The following CTNNA3 variants were observed in gnomAD, a reference collection of about 807,000 sequenced individuals.
The protein encoded by CTNNA3 is catenin alpha 3.
In CTNNA3, 76 loss-of-function variants were observed where a neutral mutation model predicts 95.7. The ratio of observed to expected loss-of-function variants is 0.79; its 90% CI spans 0.66 to 0.96. The LOEUF (loss-of-function observed/expected upper bound fraction) is 0.96, where lower values mean the gene tolerates loss of function less well. CTNNA3 is among the 40% of genes least tolerant of loss of function. The pLI is 0.00. For synonymous variants in CTNNA3, 431 were observed against 374.4 expected (o/e 1.15, Z -1.74); for missense variants, 1,191 against 1,089.8 (o/e 1.09, Z -1.31).
chr10:66,077,691 G>C (rs1343458411), intron 14 of CTNNA3, among the ~76,000 whole-genome samples: 1 of 143,094 alleles, frequency 7.0e-6, no homozygotes, highest in Non-Finnish European at 1.5e-5. Context: ...CAAAGGTGGT[G>C]ATCTGTATGG....
chr10:67,273,685 A>T (rs945983007), intron 5 of CTNNA3, among the ~76,000 whole-genome samples: 4 of 152,222 alleles, frequency 2.6e-5, no homozygotes, highest in African/African-American at 4.8e-5. Context: ...GTGTCAAAAA[A>T]TAGAGAAATG....
chr10:66,871,144 T>C (rs547915025), intron 7 of CTNNA3, among the ~76,000 whole-genome samples: 43 of 152,212 alleles, frequency 2.8e-4, no homozygotes, highest in Non-Finnish European at 5.7e-4. Context: ...TAAAACTCAT[T>C]GGCAGAAAGC....
At chr10:66,768,045 G>C (rs1266003790) in intron 8 of CTNNA3, among the ~76,000 whole-genome samples, 1 of 152,268 alleles carries the variant, frequency 6.6e-6, no homozygotes, top group East Asian at 1.9e-4. Flanking sequence ...TCTATAGGAA[G>C]TACACCAGGG....
intron 5 of CTNNA3, among the ~76,000 whole-genome samples, chr10:67,257,408 A>T (rs901502759): frequency 6.6e-6 from 1 of 152,232 alleles, no homozygotes; most frequent in Non-Finnish European, 1.5e-5. Context: ...TGCCACATTA[A>T]TTTTCTCACA....
intron 9 of CTNNA3, among the ~76,000 whole-genome samples, chr10:66,694,661 G>A (rs1847690531): frequency 6.6e-6 from 1 of 151,974 alleles, no homozygotes; most frequent in Non-Finnish European, 1.5e-5. Flanking sequence ...TAGATTGCAG[G>A]ATATACGAAA....
intron 10 of CTNNA3, among the ~76,000 whole-genome samples, chr10:66,620,087 T>G (rs1246869662): frequency 6.6e-6 from 1 of 152,152 alleles, no homozygotes; most frequent in Non-Finnish European, 1.5e-5. Context: ...GTATGTTGAA[T>G]AATAATACTT....
intron 12 of CTNNA3, among the ~76,000 whole-genome samples, chr10:66,345,553 A>G (rs1335799380): frequency 6.6e-6 from 1 of 152,072 alleles, no homozygotes; most frequent in Non-Finnish European, 1.5e-5. Flanking sequence ...TTTTCTCTAA[A>G]TAAATGTAAA....
At chr10:66,537,803 T>G (rs1321191355) in intron 10 of CTNNA3, among the ~76,000 whole-genome samples, 1 of 151,762 alleles carries the variant, frequency 6.6e-6, no homozygotes, top group African/African-American at 2.4e-5. Flanking sequence ...TATGAATTTT[T>G]TTAAAAAACT....
At chr10:67,577,847 G>A (rs149853655) in intron 3 of CTNNA3, among the ~76,000 whole-genome samples, 221 of 150,518 alleles carry the variant, frequency 1.5e-3, no homozygotes, top group African/African-American at 4.2e-3. Flanking sequence ...TTATATATTG[G>A]CTTCATTTGG....
intron 15 of CTNNA3, among the ~76,000 whole-genome samples, chr10:66,027,444 G>A (rs2079364117): frequency 6.6e-6 from 1 of 152,058 alleles, no homozygotes; most frequent in South Asian, 2.1e-4. Flanking sequence ...CTCTCCCTGT[G>A]CTCACCCTAT....
chr10:65,980,528 A>G (rs1384681435), intron 16 of CTNNA3, among the ~76,000 whole-genome samples: 2 of 148,316 alleles, frequency 1.3e-5, no homozygotes, highest in Non-Finnish European at 3.0e-5. Flanking sequence ...GGACATAACA[A>G]AAAAAAAAAA....
At chr10:67,237,534 A>C (rs1865544216) in intron 5 of CTNNA3, among the ~76,000 whole-genome samples, 1 of 152,038 alleles carries the variant, frequency 6.6e-6, no homozygotes, top group African/African-American at 2.4e-5. Context: ...AACTTATGGA[A>C]ATTTTTTTAA....
chr10:66,064,536 G>A (rs1412161405), intron 15 of CTNNA3, among the ~76,000 whole-genome samples: 1 of 151,972 alleles, frequency 6.6e-6, no homozygotes, highest in Non-Finnish European at 1.5e-5. Context: ...CTTAAAGATG[G>A]CCTTTATTTA....
chr10:67,562,010 C>T (rs929509749), intron 3 of CTNNA3, among the ~76,000 whole-genome samples: 2 of 152,050 alleles, frequency 1.3e-5, no homozygotes, highest in Admixed American at 6.6e-5. Flanking sequence ...GCTTACCAAC[C>T]AAAAAGAGTC....
At chr10:66,653,437 C>T (rs1389730656) in intron 9 of CTNNA3, among the ~76,000 whole-genome samples, 1 of 151,962 alleles carries the variant, frequency 6.6e-6, no homozygotes, top group Admixed American at 6.5e-5. Flanking sequence ...AACTCTGATA[C>T]ATTGATAAAA....
chr10:66,878,787 G>T (rs1844730122), intron 7 of CTNNA3, among the ~76,000 whole-genome samples: 1 of 152,152 alleles, frequency 6.6e-6, no homozygotes, highest in African/African-American at 2.4e-5. Flanking sequence ...GCCCTAGCAT[G>T]TGAGTTTTGG....
chr10:66,495,657 T>C (rs1040183768), intron 11 of CTNNA3, among the ~76,000 whole-genome samples: 3 of 152,092 alleles, frequency 2.0e-5, no homozygotes, highest in African/African-American at 4.8e-5. Context: ...GTTGTTGTTG[T>C]TGTTGTTGTT....
intron 5 of CTNNA3, among the ~76,000 whole-genome samples, chr10:67,429,850 T>C (rs1189204682): frequency 6.6e-6 from 1 of 151,894 alleles, no homozygotes; most frequent in Non-Finnish European, 1.5e-5. Flanking sequence ...AGCATACCAA[T>C]TTGGATGCAC....
chr10:66,721,152 G>A (rs1444764957), intron 9 of CTNNA3, among the ~76,000 whole-genome samples: 2 of 152,162 alleles, frequency 1.3e-5, no homozygotes, highest in African/African-American at 4.8e-5. Flanking sequence ...AGATACTGCA[G>A]GGAGAGGCTA....
Sources: allele counts gnomAD v4.1 joint callset (sites outside exome capture counted in the v4.1 genomes callset), GRCh38; gene constraint gnomAD v4.1.1; transcripts MANE v1.5; gene names NCBI Gene and HGNC (gene_info 2026-07-23, HGNC 2026-07-21).